DCC: variants seen among roughly 807,000 people sequenced by gnomAD.
DCC encodes the protein netrin receptor DCC.
A neutral mutation model predicts 172.5 loss-of-function variants in DCC; 58 were observed. The observed-to-expected ratio is 0.34, with a 90% CI of 0.27 to 0.42. The LOEUF is 0.42. Among genes scored for constraint, DCC ranks in the 10% least tolerant of loss-of-function variants. DCC has a pLI of 1.00. For synonymous variants in DCC, 709 were observed against 644.5 expected (o/e 1.10, Z -1.52); for missense variants, 1,740 against 1,791.0 (o/e 0.97, Z 0.51).
intron 1 of DCC, among the ~76,000 whole-genome samples, chr18:52,556,426 T>C (rs1175490719): frequency 6.6e-6 from 1 of 151,862 alleles, no homozygotes; most frequent in Admixed American, 6.6e-5. Flanking sequence ...TTAGATAGAG[T>C]GGTCATAGCT....
intron 1 of DCC, among the ~76,000 whole-genome samples, chr18:52,437,241 C>T (rs1987825653): frequency 6.6e-6 from 1 of 152,100 alleles, no homozygotes; most frequent in Non-Finnish European, 1.5e-5. Context: ...TCTGAAACAT[C>T]CAGCTGAGCA....
chr18:52,818,465 A>C (rs969710396), intron 2 of DCC, among the ~76,000 whole-genome samples: 2 of 151,876 alleles, frequency 1.3e-5, no homozygotes, highest in African/African-American at 4.8e-5. Flanking sequence ...AAAAGCATAT[A>C]TATCAAATAG....
intron 1 of DCC, among the ~76,000 whole-genome samples, chr18:52,596,575 T>G (rs1214898149): frequency 6.6e-6 from 1 of 152,180 alleles, no homozygotes; most frequent in African/African-American, 2.4e-5. Context: ...ACCAGATAAT[T>G]CTGATACACA....
intron 2 of DCC, among the ~76,000 whole-genome samples, chr18:52,796,002 C>T (rs1437116532): frequency 1.3e-5 from 2 of 150,326 alleles, no homozygotes; most frequent in African/African-American, 4.9e-5. Flanking sequence ...ATTTATTTTT[C>T]AATATATGAC....
At chr18:53,331,746 C>G (rs778962148) in intron 14 of DCC, among the ~76,000 whole-genome samples, 1 of 152,108 alleles carries the variant, frequency 6.6e-6, no homozygotes, top group Non-Finnish European at 1.5e-5. Context: ...AGAGACCACG[C>G]TTGTCTAATT....
chr18:52,507,460 G>T (rs74318291), intron 1 of DCC, among the ~76,000 whole-genome samples: 7,298 of 152,276 alleles, frequency 0.048, 224 homozygotes, highest in Non-Finnish European at 0.059. Flanking sequence ...AGATGGAATA[G>T]TAAAATGGCT....
intron 1 of DCC, among the ~76,000 whole-genome samples, chr18:52,491,233 G>GTAATAGGGA (rs1243902786): frequency 1.4e-4 from 21 of 152,130 alleles, no homozygotes; most frequent in African/African-American, 4.8e-4. Flanking sequence ...TCTCTACTAG[G>GTAATAGGGA]TAATAGGGAT....
At chr18:52,858,914 C>T (rs1261325395) in intron 2 of DCC, among the ~76,000 whole-genome samples, 1 of 152,112 alleles carries the variant, frequency 6.6e-6, no homozygotes, top group African/African-American at 2.4e-5. Context: ...GATTAAAGTT[C>T]CATTCTCAAG....
chr18:52,618,696 C>A (rs1011243568), intron 1 of DCC, among the ~76,000 whole-genome samples: 1 of 152,126 alleles, frequency 6.6e-6, no homozygotes, highest in Non-Finnish European at 1.5e-5. Flanking sequence ...AAAAATGACA[C>A]AATTCTTCAG....
intron 1 of DCC, among the ~76,000 whole-genome samples, chr18:52,427,844 C>CT (rs761574014): frequency 0.31 from 29,791 of 96,752 alleles, 4,374 homozygotes; most frequent in East Asian, 0.58. Flanking sequence ...TTCTTCCTTC[C>CT]TTCCTTCCTT....
At chr18:53,404,459 C>T (rs1455125522) in intron 19 of DCC, among the ~76,000 whole-genome samples, 1 of 124,882 alleles carries the variant, frequency 8.0e-6, no homozygotes, top group Non-Finnish European at 1.8e-5. Context: ...TGACTGGGCG[C>T]GGTGGCTCAC....
intron 13 of DCC, among the ~76,000 whole-genome samples, chr18:53,310,910 C>T (rs540184848): frequency 6.6e-6 from 1 of 151,586 alleles, no homozygotes; most frequent in African/African-American, 2.4e-5. Context: ...CTTTCAACAA[C>T]TGAATTTTTT....
intron 5 of DCC, among the ~76,000 whole-genome samples, chr18:53,059,958 A>T (rs2144069141): frequency 6.6e-6 from 1 of 152,212 alleles, no homozygotes; most frequent in Middle Eastern, 3.4e-3. Flanking sequence ...CTGATGACTG[A>T]TAACACTGCC....
At chr18:53,229,309 T>A (rs1568378907) in intron 12 of DCC, among the ~76,000 whole-genome samples, 1 of 152,176 alleles carries the variant, frequency 6.6e-6, no homozygotes, top group Non-Finnish European at 1.5e-5. Context: ...CAGGTTGTAC[T>A]GTCTTGCAAG....
chr18:52,472,529 A>G (rs1405294394), intron 1 of DCC, among the ~76,000 whole-genome samples: 1 of 152,246 alleles, frequency 6.6e-6, no homozygotes, highest in East Asian at 1.9e-4. Flanking sequence ...AAAATGAATA[A>G]GGAATAATTT....
In DCC at chr18:52,969,582, C is replaced by CACTCTCTCT. The variant is rs60961374; in HGVS notation, c.985+44212_985+44213insACTCTCTCT. ...GCAATTTCCTTATTTGCCCCGCCCC[C>CACTCTCTCT]CACTCTCTCTCTCTCTCTCTCTCTC... On this transcript the variant is annotated intron_variant, in intron 5 of 28. Transcript: ENST00000442544. Among the ~76,000 whole-genome samples the CACTCTCTCT allele has an allele frequency of 3.2e-3, 259 of 80,062 alleles. 8 individuals carry two copies. Among genetic ancestry groups the CACTCTCTCT allele is most frequent in the African/African-American group, 9.1e-3 (166 of 18,308 alleles). The allele number at this position is 80,062 out of a possible 152,430, so 52.5% of individuals were successfully genotyped here. A position where few individuals can be genotyped will look rare whatever the true frequency, so the allele number is the denominator to read the frequency against.
At chr18:53,529,038 TCACACACA>T (rs140593675) in intron 28 of DCC, among the ~76,000 whole-genome samples, 43 of 65,248 alleles carry the variant, frequency 6.6e-4, no homozygotes, top group South Asian at 1.4e-3. Flanking sequence ...TCTCTCTCTC[TCACACACA>T]CACACACACA....
chr18:53,155,399 G>A (rs761294024), intron 7 of DCC, among the ~76,000 whole-genome samples: 1 of 152,136 alleles, frequency 6.6e-6, no homozygotes, highest in Non-Finnish European at 1.5e-5. Context: ...ATCACCTGTC[G>A]AGATGAAACA....
At chr18:52,704,229 A>T (rs748116785) in intron 1 of DCC, among the ~76,000 whole-genome samples, 6 of 152,124 alleles carry the variant, frequency 3.9e-5, no homozygotes, top group Non-Finnish European at 8.8e-5. Context: ...TTTGTCATCT[A>T]ACACTGAAGG....
Sources: gnomAD v4.1 joint callset for allele counts (sites outside exome capture counted in the v4.1 genomes callset) on GRCh38, gnomAD v4.1.1 for gene constraint, MANE v1.5 for transcripts, NCBI Gene and HGNC (gene_info 2026-07-23, HGNC 2026-07-21) for gene names.